NBAS: variants seen among roughly 807,000 people sequenced by gnomAD.
NBAS encodes the protein NBAS subunit of NRZ tethering complex.
A neutral mutation model predicts 302.5 loss-of-function variants in NBAS; 219 were observed. The observed-to-expected ratio is 0.72, with a 90% CI of 0.65 to 0.81. The LOEUF is 0.81. NBAS is among the 30% of genes least tolerant of loss of function. NBAS has a pLI of 0.00. For synonymous variants in NBAS, 1,118 were observed against 1,021.6 expected, an observed-to-expected ratio of 1.09 and a Z score of -1.80; for missense variants, 2,932 against 2,841.6, an observed-to-expected ratio of 1.03 and a Z score of -0.72.
intron 42 of NBAS, among the ~76,000 whole-genome samples, chr2:15,281,929 A>C (rs1420965751): frequency 1.3e-5 from 2 of 152,230 alleles, no homozygotes; most frequent in East Asian, 3.8e-4. Flanking sequence ...GGCAGTAATC[A>C]GTATTTCTGG....
At chr2:15,358,566 T>C (rs1673740378) in intron 32 of NBAS, among the ~76,000 whole-genome samples, 1 of 152,134 alleles carries the variant, frequency 6.6e-6, no homozygotes, top group South Asian at 2.1e-4. Context: ...CACATCAGCC[T>C]CCAGAGTCAC....
chr2:14,915,125 G>T, the NBAS span, among the ~76,000 whole-genome samples: 2 of 152,214 alleles, frequency 1.3e-5, no homozygotes, highest in Non-Finnish European at 2.9e-5. Flanking sequence ...GCCCTGGAGG[G>T]GCAATAATGG....
At chr2:15,162,206 G>A (rs559223763), downstream of NBAS, among the ~76,000 whole-genome samples, 5 of 152,300 alleles carry the variant, frequency 3.3e-5, no homozygotes, top group South Asian at 2.1e-4. Context: ...CGCAACAGGC[G>A]CGTTGTTTGT....
chr2:15,558,253 ACCT>A (rs1664736098), intron 2 of NBAS, among the ~76,000 whole-genome samples: 1 of 152,078 alleles, frequency 6.6e-6, no homozygotes, highest in African/African-American at 2.4e-5. Flanking sequence ...CCCATCGCTC[ACCT>A]CCTGCTATGC....
At chr2:14,814,595 T>C in the NBAS span, among the ~76,000 whole-genome samples, 52 of 152,228 alleles carry the variant, frequency 3.4e-4, no homozygotes, top group Admixed American at 5.2e-4. Context: ...TGTAACCCCA[T>C]TGTATCTTGG....
At chr2:15,430,720 T>G (rs917208571) in intron 21 of NBAS, among the ~76,000 whole-genome samples, 1 of 152,150 alleles carries the variant, frequency 6.6e-6, no homozygotes, top group Non-Finnish European at 1.5e-5. Flanking sequence ...ATAGGGACTA[T>G]AGTCTAGTCC....
intron 25 of NBAS, among the ~76,000 whole-genome samples, chr2:15,409,874 T>C (rs1049004252): frequency 1.3e-5 from 2 of 152,210 alleles, no homozygotes; most frequent in Non-Finnish European, 2.9e-5. Context: ...TAGATTAAAG[T>C]GAGTCCTTCA....
the NBAS span, among the ~76,000 whole-genome samples, chr2:15,043,998 G>A: frequency 2.0e-5 from 3 of 152,156 alleles, no homozygotes; most frequent in Admixed American, 6.5e-5. Context: ...CAGAGCAGAC[G>A]AATAATGAAT....
At chr2:15,219,603 T>C (rs1414914169) in intron 47 of NBAS, among the ~76,000 whole-genome samples, 6 of 137,758 alleles carry the variant, frequency 4.4e-5, no homozygotes, top group African/African-American at 1.7e-4. Flanking sequence ...TAACCCTGAG[T>C]GGACACAGCA....
chr2:15,157,480 G>A, the NBAS span, among the ~76,000 whole-genome samples: 19 of 152,292 alleles, frequency 1.2e-4, no homozygotes, highest in South Asian at 8.3e-4. Flanking sequence ...GTTTAGGGCC[G>A]TCTTCGCAGC....
intron 37 of NBAS, 37 bp downstream of exon 37, chr2:15,328,162 A>G (rs377418547): frequency 6.4e-7 from 1 of 1,572,944 alleles, no homozygotes; most frequent in Non-Finnish European, 8.7e-7. Flanking sequence ...CAACAGCATG[A>G]CAGTTAAATC....
At chr2:14,849,272 G>A in the NBAS span, among the ~76,000 whole-genome samples, 1 of 152,132 alleles carries the variant, frequency 6.6e-6, no homozygotes, top group South Asian at 2.1e-4. Context: ...AGAACTACGT[G>A]AAGAATGAAT....
intron 26 of NBAS, among the ~76,000 whole-genome samples, chr2:15,398,417 A>T (rs1218705825): frequency 6.6e-6 from 1 of 152,110 alleles, no homozygotes; most frequent in South Asian, 2.1e-4. Context: ...AGGCATGAGT[A>T]ACTGCACCTG....
chr2:15,440,632 A>G (rs988460988), intron 21 of NBAS, among the ~76,000 whole-genome samples: 1 of 152,254 alleles, frequency 6.6e-6, no homozygotes, highest in South Asian at 2.1e-4. Context: ...GCAGTTCCTC[A>G]CCAGCAATGG....
chr2:15,479,853 C>T (rs1284973578), intron 12 of NBAS, among the ~76,000 whole-genome samples: 1 of 152,188 alleles, frequency 6.6e-6, no homozygotes, highest in Non-Finnish European at 1.5e-5. Context: ...ATACTCATCC[C>T]TGTATTCCCA....
chr2:15,425,781 C>A (rs939119551), intron 22 of NBAS, among the ~76,000 whole-genome samples: 6 of 152,206 alleles, frequency 3.9e-5, no homozygotes, highest in Non-Finnish European at 7.3e-5. Flanking sequence ...AACAGTAACG[C>A]TGAGTTCCTC....
Position 15,392,009 on chromosome 2 carries a change from A to T in NBAS, c.3257+2218T>A, listed in dbSNP as rs1323332512. On this transcript the variant is annotated intron_variant, in intron 28 of 51. Transcript: ENST00000281513. ...AAAGATGTACAAATGAATCACTGGC[A>T]TCCTAGCACTACCAAAAAAAAAATT... Among the ~76,000 whole-genome samples, 5 of 138,202 alleles carry T rather than the reference A, an allele frequency of 3.6e-5. No homozygotes were observed. In the East Asian group the frequency reaches 9.8e-4, roughly 27 times the overall value. 90.7% of individuals were successfully genotyped at this position (138,202 alleles called of 152,430 possible). A position where few individuals can be genotyped will look rare whatever the true frequency, so the allele number is the denominator to read the frequency against.
intron 44 of NBAS, among the ~76,000 whole-genome samples, chr2:15,265,165 G>C (rs1186936461): frequency 6.6e-6 from 1 of 152,154 alleles, no homozygotes; most frequent in Admixed American, 6.5e-5. Context: ...CTTATGTCTT[G>C]GCTGTGCCTA....
chr2:15,123,235 C>A, the NBAS span, among the ~76,000 whole-genome samples: 1 of 152,160 alleles, frequency 6.6e-6, no homozygotes, highest in African/African-American at 2.4e-5. Context: ...TTTTCTCATG[C>A]CCCTTCCAAC....
Sources: gnomAD v4.1 joint callset for allele counts (sites outside exome capture counted in the v4.1 genomes callset) on GRCh38, gnomAD v4.1.1 for gene constraint, MANE v1.5 for transcripts, NCBI Gene and HGNC (gene_info 2026-07-23, HGNC 2026-07-21) for gene names.